DOCK8: variants seen among roughly 807,000 people sequenced by gnomAD.
The protein encoded by DOCK8 is dedicator of cytokinesis 8, also known as dedicator of cytokinesis protein 8.
A neutral mutation model predicts 245.6 loss-of-function variants in DOCK8; 141 were observed. The observed-to-expected ratio is 0.57, with a 90% CI of 0.50 to 0.66. The LOEUF is 0.66. Among genes scored for constraint, DOCK8 ranks in the 30% least tolerant of loss-of-function variants. The probability of loss-of-function intolerance (pLI) is 0.00; values close to 1 mark genes in which losing one functional copy is unlikely to be tolerated. For synonymous variants in DOCK8, 1,168 were observed against 970.2 expected (o/e 1.20, Z -3.79); for missense variants, 2,965 against 2,603.4 (o/e 1.14, Z -3.02).
At chr9:402,608 T>G (rs7357732) in intron 26 of DOCK8, among the ~76,000 whole-genome samples, 2,360 of 152,358 alleles carry the variant, frequency 0.015, 71 homozygotes, top group African/African-American at 0.053. Context: ...TTAAGCAAGT[T>G]GTATTCTTAC....
intron 28 of DOCK8, among the ~76,000 whole-genome samples, chr9:411,824 G>C (rs1411351447): frequency 6.6e-6 from 1 of 152,030 alleles, no homozygotes; most frequent in Non-Finnish European, 1.5e-5. Context: ...ATAAAATAAA[G>C]GACAAAACCC....
At chr9:262,015 G>GAAAGAAAGA (rs1554648168) in intron 1 of DOCK8, among the ~76,000 whole-genome samples, 2 of 149,794 alleles carry the variant, frequency 1.3e-5, no homozygotes, top group African/African-American at 5.0e-5. Context: ...AAGAAAGAAA[G>GAAAGAAAGA]AAAGAAAGAA....
intron 9 of DOCK8, among the ~76,000 whole-genome samples, chr9:329,389 G>A (rs2050905918): frequency 6.6e-6 from 1 of 152,148 alleles, no homozygotes; most frequent in African/African-American, 2.4e-5. Flanking sequence ...TGATCTCATG[G>A]ATTCCAAATA....
In DOCK8 at chr9:218,237, T is replaced by C. The variant is rs78365921; in HGVS notation, c.53+3208T>C. ...TTTCACCTTACTACTCAGAATAGTG[T>C]AAACTATCTCTTAAAAATATTTGTG... is the stretch of plus-strand genomic sequence containing the variant. On this transcript the variant is annotated intron_variant, in intron 1 of 47. Coordinates refer to ENST00000432829, the MANE Select transcript of DOCK8 (RefSeq NM_203447.4). Among the ~76,000 whole-genome samples, 969 of 152,290 alleles carry C rather than the reference T, an allele frequency of 6.4e-3. 12 individuals are homozygous for C. The highest frequency in any genetic ancestry group is 0.022 in the African/African-American group (916 of 41,540).
At chr9:449,977 G>T (rs1322806607) in intron 45 of DOCK8, 50 bp downstream of exon 45, 2 of 1,597,220 alleles carry the variant, frequency 1.3e-6, no homozygotes. Context: ...TATTTAGGTT[G>T]TCATTATACG....
At chr9:329,932 G>T (rs969231725) in intron 9 of DOCK8, among the ~76,000 whole-genome samples, 5 of 152,198 alleles carry the variant, frequency 3.3e-5, no homozygotes, top group African/African-American at 9.7e-5. Flanking sequence ...ACAGCCCCTG[G>T]TTGGCTTTCT....
chr9:273,729 G>C (rs1547693), intron 2 of DOCK8, among the ~76,000 whole-genome samples: 88,798 of 148,170 alleles, frequency 0.6, 26,624 homozygotes, highest in Middle Eastern at 0.65. Context: ...CTCTTGTCAC[G>C]CAGGCTGGAG....
intron 14 of DOCK8, among the ~76,000 whole-genome samples, chr9:354,991 G>C (rs1040194739): frequency 1.3e-5 from 2 of 152,100 alleles, no homozygotes; most frequent in African/African-American, 4.8e-5. Context: ...ATTTCACAGA[G>C]CAAGAATATC....
chr9:293,148 T>C (rs990758054), intron 4 of DOCK8, among the ~76,000 whole-genome samples: 1 of 152,196 alleles, frequency 6.6e-6, no homozygotes, highest in South Asian at 2.1e-4. Flanking sequence ...AGTGTACAAC[T>C]TCAGAACTCA....
intron 23 of DOCK8, 41 bp from the exon 24 acceptor site, chr9:390,430 A>G: frequency 6.4e-7 from 1 of 1,558,164 alleles, no homozygotes; most frequent in Non-Finnish European, 8.9e-7. Context: ...GAATAATAAT[A>G]GCCTTTGTTT....
Position 325,751 on chromosome 9 carries a change from G to A in DOCK8, c.894+14G>A. On this transcript the variant is annotated intron_variant, in intron 8 of 47. Coordinates refer to ENST00000432829, the MANE Select transcript of DOCK8 (RefSeq NM_203447.4). Reference sequence around the variant, plus strand: ...GAAAGGAAAAAGGTAAGAAAGCAAAGAAAAATCCATCCCTAAGGCACATAT... The same window carrying A: ...GAAAGGAAAAAGGTAAGAAAGCAAAAAAAAATCCATCCCTAAGGCACATAT... 6.2e-7 allele frequency: 1 copy of A among 1,609,490 alleles called. No homozygotes were observed. Among genetic ancestry groups the A allele is most frequent in the Non-Finnish European group, 8.5e-7 (1 of 1,175,880 alleles).
rs79568455 is a variant in DOCK8 at position 463,655 on chromosome 9, C to T, written c.6207C>T (p.Tyr2069=). The change falls in exon 47 of 48, where the codon TAC becomes TAT. Residue 2069 remains tyrosine, a synonymous_variant. Coordinates refer to ENST00000432829, the MANE Select transcript of DOCK8 (RefSeq NM_203447.4). ...PMIERKIPEL[Y]KPIFRVESQK... ...TCGAGCGGAAAATTCCAGAACTGTA[C>T]AAGCCAATATTCAGAGTTGAGAGTC... 1.3e-6 allele frequency: 2 copies of T among 1,590,994 alleles called. No homozygotes were observed. The highest frequency in any genetic ancestry group is 2.7e-5 in the African/African-American group (2 of 74,436).
At chr9:269,766 C>T (rs926258005) in intron 1 of DOCK8, among the ~76,000 whole-genome samples, 1 of 152,000 alleles carries the variant, frequency 6.6e-6, no homozygotes, top group African/African-American at 2.4e-5. Flanking sequence ...CCATGTTGGC[C>T]AGGCTGGTCA....
At chr9:302,611 G>A (rs1004194359) in intron 4 of DOCK8, among the ~76,000 whole-genome samples, 5 of 152,190 alleles carry the variant, frequency 3.3e-5, no homozygotes, top group African/African-American at 9.7e-5. Context: ...TCTGAAGAAT[G>A]TCTGATATCC....
intron 14 of DOCK8, chr9:365,804 G>C (rs540031678): frequency 2.6e-6 from 1 of 377,788 alleles, no homozygotes; most frequent in South Asian, 2.0e-5. Flanking sequence ...ATTGGTGGCA[G>C]TGGAGATGAA....
intron 1 of DOCK8, chr9:220,655 A>G: frequency 2.9e-6 from 1 of 340,220 alleles, no homozygotes; most frequent in East Asian, 1.1e-4. Flanking sequence ...CCTATTTGAT[A>G]AAGGGTTAAA....
At chr9:399,411 G>A (rs569973863) in intron 26 of DOCK8, 152 bp downstream of exon 26, 2 of 693,902 alleles carry the variant, frequency 2.9e-6, no homozygotes, top group South Asian at 1.5e-5. Context: ...CCTCATGTCT[G>A]TGCCATGGAC....
intron 1 of DOCK8, among the ~76,000 whole-genome samples, chr9:239,567 T>G (rs1050993008): frequency 1.3e-5 from 2 of 152,196 alleles, no homozygotes; most frequent in South Asian, 4.1e-4. Flanking sequence ...AGTCAGGGAT[T>G]AGAGACCTGC....
At chr9:398,487 C>A (rs969475023) in intron 25 of DOCK8, among the ~76,000 whole-genome samples, 2 of 152,180 alleles carry the variant, frequency 1.3e-5, no homozygotes, top group Non-Finnish European at 2.9e-5. Flanking sequence ...AACTGAATCC[C>A]AGATTGCTCT....
Sources: allele counts gnomAD v4.1 joint callset (sites outside exome capture counted in the v4.1 genomes callset), GRCh38; gene constraint gnomAD v4.1.1; transcripts MANE v1.5; gene names NCBI Gene and HGNC (gene_info 2026-07-23, HGNC 2026-07-21).